LDLRAD4: variants seen among roughly 807,000 people sequenced by gnomAD.
LDLRAD4 encodes the protein low density lipoprotein receptor class A domain containing 4.
A neutral mutation model predicts 17.0 loss-of-function variants in LDLRAD4; 5 were observed. That is an observed-to-expected ratio of 0.29 (90% confidence interval 0.15 to 0.62). The LOEUF (loss-of-function observed/expected upper bound fraction) is 0.62. Among genes scored for constraint, LDLRAD4 ranks in the 20% least tolerant of loss-of-function variants. LDLRAD4 has a pLI of 0.84. For synonymous variants in LDLRAD4, 168 were observed against 171.8 expected, an observed-to-expected ratio of 0.98 and a Z score of 0.17; for missense variants, 340 against 424.7, an observed-to-expected ratio of 0.80 and a Z score of 1.75.
intron 1 of LDLRAD4, among the ~76,000 whole-genome samples, chr18:13,313,995 G>A (rs4797761): frequency 0.47 from 72,054 of 152,086 alleles, 20,298 homozygotes; most frequent in Non-Finnish European, 0.63. Flanking sequence ...AGATGTGACC[G>A]CAACACATTT....
At chr18:13,638,387 G>A (rs540122149) in intron 4 of LDLRAD4, among the ~76,000 whole-genome samples, 3 of 152,226 alleles carry the variant, frequency 2.0e-5, no homozygotes, top group Non-Finnish European at 4.4e-5. Context: ...GTATACCTAT[G>A]CTGATAGTGG....
chr18:13,570,430 C>T lies in LDLRAD4; in HGVS notation c.182-50687C>T, dbSNP rs562266972. ...GCCAGAGGAGTGGCAGAGACTCCAG[C>T]GAGCACTGGGGCATCCATGGCACCC... is the stretch of plus-strand genomic sequence containing the variant. On this transcript the variant is annotated intron_variant, in intron 3 of 5. Coordinates refer to ENST00000359446, the Ensembl canonical transcript of LDLRAD4. Among the ~76,000 whole-genome samples the T allele has an allele frequency of 1.6e-3, 237 of 152,340 alleles. 1 individual carries two copies. Among genetic ancestry groups the T allele is most frequent in the African/African-American group, 5.1e-3 (212 of 41,586 alleles).
chr18:13,515,617 G>A (rs539025882), intron 3 of LDLRAD4: 26 of 152,298 alleles, frequency 1.7e-4, no homozygotes, highest in Middle Eastern at 3.4e-3. Context: ...ACAAATTCAC[G>A]TTTATGTTTC....
At chr18:13,415,678 C>G (rs999446792) in intron 2 of LDLRAD4, among the ~76,000 whole-genome samples, 6 of 152,226 alleles carry the variant, frequency 3.9e-5, no homozygotes, top group African/African-American at 9.6e-5. Context: ...CCTCACCCCC[C>G]CAGGACGGTC....
intron 3 of LDLRAD4, among the ~76,000 whole-genome samples, chr18:13,598,608 G>T (rs1269683367): frequency 6.6e-6 from 1 of 152,202 alleles, no homozygotes; most frequent in African/African-American, 2.4e-5. Context: ...AGTTAAGCTT[G>T]TCACTCTCAA....
chr18:13,498,103 T>A (rs2093513007), intron 3 of LDLRAD4, among the ~76,000 whole-genome samples: 1 of 139,728 alleles, frequency 7.2e-6, no homozygotes, highest in South Asian at 2.3e-4. Context: ...CACTGGAGAA[T>A]CCTTCTGCCC....
chr18:13,466,408 T>C (rs1301763847), intron 3 of LDLRAD4, among the ~76,000 whole-genome samples: 4 of 146,648 alleles, frequency 2.7e-5, no homozygotes, highest in African/African-American at 1.0e-4. Context: ...AGGTTGAGGC[T>C]GCAGTGAGCT....
intron 2 of LDLRAD4, among the ~76,000 whole-genome samples, chr18:13,423,279 G>T (rs2089645724): frequency 6.6e-6 from 1 of 152,096 alleles, no homozygotes; most frequent in South Asian, 2.1e-4. Context: ...GATCACCTGA[G>T]TTTGGGAGTT....
chr18:13,228,936 C>T (rs1026441440), intron 1 of LDLRAD4, among the ~76,000 whole-genome samples: 5 of 152,168 alleles, frequency 3.3e-5, no homozygotes, highest in South Asian at 2.1e-4. Context: ...TGGAATGAAG[C>T]GGAGCAGTTG....
At chr18:13,617,340 T>C (rs2040187557) in intron 3 of LDLRAD4, among the ~76,000 whole-genome samples, 1 of 152,162 alleles carries the variant, frequency 6.6e-6, no homozygotes. Context: ...GATGCACACC[T>C]TTCAGTCAAT....
At chr18:13,430,199 C>T (rs1013858051) in intron 2 of LDLRAD4, among the ~76,000 whole-genome samples, 1 of 152,224 alleles carries the variant, frequency 6.6e-6, no homozygotes, top group African/African-American at 2.4e-5. Flanking sequence ...ACCTGTGCAT[C>T]TGCCTCTGTT....
intron 3 of LDLRAD4, among the ~76,000 whole-genome samples, chr18:13,602,018 C>G (rs2095169165): frequency 6.6e-6 from 1 of 152,170 alleles, no homozygotes; most frequent in Admixed American, 6.5e-5. Flanking sequence ...AACATGGATG[C>G]AGCCGGAGGC....
chr18:13,315,861 TGAA>T (rs936148679), intron 1 of LDLRAD4, among the ~76,000 whole-genome samples: 3 of 148,602 alleles, frequency 2.0e-5, no homozygotes, highest in African/African-American at 7.5e-5. Context: ...ATAAATGAAA[TGAA>T]GAATTAAATA....
intron 1 of LDLRAD4, chr18:13,241,330 G>A (rs4277409): frequency 0.5 from 76,059 of 152,212 alleles, 20,443 homozygotes; most frequent in African/African-American, 0.71. Context: ...TGGCCCCGGC[G>A]TCTGCTGTGT....
intron 1 of LDLRAD4, among the ~76,000 whole-genome samples, chr18:13,223,449 G>A (rs2041576757): frequency 6.6e-6 from 1 of 152,090 alleles, no homozygotes; most frequent in South Asian, 2.1e-4. Context: ...GTGGCTTCCT[G>A]GTACACTGCT....
At chr18:13,224,438 C>G (rs2041639198) in intron 1 of LDLRAD4, among the ~76,000 whole-genome samples, 1 of 151,664 alleles carries the variant, frequency 6.6e-6, no homozygotes, top group African/African-American at 2.4e-5. Context: ...CCAGTTCATC[C>G]CAGGACAAAG....
At chr18:13,429,889 A>T (rs2090210338) in intron 2 of LDLRAD4, among the ~76,000 whole-genome samples, 1 of 152,258 alleles carries the variant, frequency 6.6e-6, no homozygotes, top group African/African-American at 2.4e-5. Context: ...ACTTTATCAT[A>T]GGAATCTAGA....
chr18:13,620,930 C>T lies in LDLRAD4; in HGVS notation c.182-187C>T, dbSNP rs1309611552. ...GCTCCCCGCAGCTGGTTTGCACAGC[C>T]TCCCGACTGTGCCGTGGTGTCTCCT... On this transcript the variant is annotated intron_variant, in intron 3 of 5. Transcript: ENST00000359446. The T allele has an allele frequency of 8.7e-6, 7 of 805,620 alleles. No homozygotes were observed. In the South Asian group the frequency reaches 9.7e-5, roughly 11 times the overall value. 49.9% of individuals were successfully genotyped at this position (805,620 alleles called of 1,614,324 possible). A position where few individuals can be genotyped will look rare whatever the true frequency, so the allele number is the denominator to read the frequency against.
intron 3 of LDLRAD4, among the ~76,000 whole-genome samples, chr18:13,530,096 T>C (rs1388823525): frequency 1.3e-5 from 2 of 152,194 alleles, no homozygotes; most frequent in African/African-American, 4.8e-5. Context: ...AAATTCACAT[T>C]TGAGTCAAAA....
Sources: allele counts gnomAD v4.1 joint callset (sites outside exome capture counted in the v4.1 genomes callset), GRCh38; gene constraint gnomAD v4.1.1; transcripts MANE v1.5; gene names NCBI Gene and HGNC (gene_info 2026-07-23, HGNC 2026-07-21).